Variants in SEC24D observed in about 807,000 individuals in gnomAD.
SEC24D encodes the protein SEC24 homolog D, COPII component.
A neutral mutation model predicts 116.9 loss-of-function variants in SEC24D; 69 were observed. The observed-to-expected ratio is 0.59, with a 90% CI of 0.49 to 0.72. SEC24D has a LOEUF of 0.72. SEC24D is among the 30% of genes least tolerant of loss of function. SEC24D has a pLI of 0.00. For synonymous variants in SEC24D, 405 were observed against 442.8 expected, an observed-to-expected ratio of 0.91 and a Z score of 1.07; for missense variants, 1,131 against 1,264.1, an observed-to-expected ratio of 0.89 and a Z score of 1.60.
intron 19 of SEC24D, among the ~76,000 whole-genome samples, chr4:118,733,622 A>C (rs762490019): frequency 3.9e-5 from 6 of 152,196 alleles, no homozygotes; most frequent in Non-Finnish European, 7.3e-5. Flanking sequence ...ATATAAATAC[A>C]TAAAACATAA....
chr4:118,757,084 G>C (rs141006307), intron 11 of SEC24D, among the ~76,000 whole-genome samples: 261 of 152,222 alleles, frequency 1.7e-3, no homozygotes, highest in Middle Eastern at 6.8e-3. Flanking sequence ...TATTAAAGCA[G>C]GTAATATGCC....
intron 8 of SEC24D, among the ~76,000 whole-genome samples, chr4:118,782,962 C>G (rs1042834369): frequency 6.6e-6 from 1 of 152,120 alleles, no homozygotes; most frequent in Non-Finnish European, 1.5e-5. Flanking sequence ...ATTGGAAAAG[C>G]GCAGTATTTT....
At chr4:118,820,181 T>A (rs930278064) in intron 3 of SEC24D, among the ~76,000 whole-genome samples, 11 of 149,816 alleles carry the variant, frequency 7.3e-5, no homozygotes, top group Non-Finnish European at 5.9e-5. Flanking sequence ...AGTTTAATTT[T>A]TTTTTTTTTT....
At chr4:118,749,029 T>C (rs981128872) in intron 13 of SEC24D, among the ~76,000 whole-genome samples, 2 of 152,150 alleles carry the variant, frequency 1.3e-5, no homozygotes, top group African/African-American at 4.8e-5. Flanking sequence ...TCTTCTTTTT[T>C]TTTTTGCCAA....
At chr4:118,745,101 G>A (rs376479698) in intron 13 of SEC24D, 41 bp from the exon 14 acceptor site, 48 of 1,072,518 alleles carry the variant, frequency 4.5e-5, no homozygotes, top group Non-Finnish European at 5.5e-5. Context: ...AGAAAATGCC[G>A]TGAGTAGGAA....
At chr4:118,753,795 AT>A (rs1275530685) in intron 11 of SEC24D, among the ~76,000 whole-genome samples, 4 of 152,310 alleles carry the variant, frequency 2.6e-5, no homozygotes, top group Non-Finnish European at 5.9e-5. Context: ...AGAATATTAC[AT>A]AGTGCTCAAT....
At chr4:118,795,269 C>G (rs999384363) in intron 8 of SEC24D, among the ~76,000 whole-genome samples, 9 of 150,696 alleles carry the variant, frequency 6.0e-5, no homozygotes, top group African/African-American at 1.7e-4. Context: ...AAGATTATCA[C>G]ATAATCTTGG....
intron 7 of SEC24D, among the ~76,000 whole-genome samples, chr4:118,799,723 A>G (rs762993627): frequency 2.6e-5 from 4 of 152,298 alleles, no homozygotes; most frequent in African/African-American, 4.8e-5. Flanking sequence ...AGGCACGATC[A>G]TCTGTGCCAG....
chr4:118,751,588 C>T (rs1160415433), intron 13 of SEC24D, among the ~76,000 whole-genome samples: 3 of 152,180 alleles, frequency 2.0e-5, no homozygotes, highest in Admixed American at 6.5e-5. Flanking sequence ...CTACTTCTGG[C>T]AATCAGCATT....
chr4:118,763,013 C>T (rs1458576218), intron 10 of SEC24D, among the ~76,000 whole-genome samples: 3 of 152,128 alleles, frequency 2.0e-5, no homozygotes, highest in Non-Finnish European at 2.9e-5. Flanking sequence ...TTGCAAAGAT[C>T]GGCAAATAAA....
chr4:118,776,664 A>G (rs543437942), intron 8 of SEC24D, among the ~76,000 whole-genome samples: 1 of 152,278 alleles, frequency 6.6e-6, no homozygotes, highest in Admixed American at 6.5e-5. Flanking sequence ...TTTGAGTAAG[A>G]TATTATCTCT....
Position 118,797,803 on chromosome 4 carries a change from G to A in SEC24D, c.921C>T (p.Ala307=), listed in dbSNP as rs1578447183. 4.4e-6 allele frequency: 7 copies of A among 1,595,260 alleles called. No homozygotes were observed. Among genetic ancestry groups the A allele is most frequent in the East Asian group, 4.5e-5 (2 of 44,674 alleles). The part of the protein sequence containing the change: ...TDCMIQDQGN[A]SPRFIRCTTY... ...TTGTACAACGGATGAATCGAGGACTGGCATTTCCTGAAACATTCAAAAGGA... is the reference window on the plus strand; with the variant it reads ...TTGTACAACGGATGAATCGAGGACTAGCATTTCCTGAAACATTCAAAAGGA... The change falls in exon 8 of 23, where the codon GCC becomes GCT. Residue 307 remains alanine, a synonymous_variant. Transcript: ENST00000280551.
intron 3 of SEC24D, among the ~76,000 whole-genome samples, chr4:118,818,686 A>C (rs1730255829): frequency 1.3e-5 from 2 of 152,190 alleles, no homozygotes; most frequent in South Asian, 4.1e-4. Context: ...TTTTATCGGT[A>C]GCCGGAATTG....
intron 8 of SEC24D, among the ~76,000 whole-genome samples, chr4:118,777,092 A>ATTATTTATTTATTTATTTAT (rs70944813): frequency 7.4e-5 from 11 of 148,638 alleles, no homozygotes; most frequent in Admixed American, 2.0e-4. Context: ...GAAGGTCTGA[A>ATTATTTATTTATTTATTTAT]TTATTTATTT....
intron 8 of SEC24D, among the ~76,000 whole-genome samples, chr4:118,793,274 C>T (rs1258956658): frequency 1.3e-5 from 2 of 151,236 alleles, no homozygotes; most frequent in East Asian, 1.9e-4. Flanking sequence ...GAGACCATCC[C>T]GGCTAAAACG....
chr4:118,789,493 C>A (rs1401415154), intron 8 of SEC24D, among the ~76,000 whole-genome samples: 2 of 152,148 alleles, frequency 1.3e-5, no homozygotes, highest in African/African-American at 4.8e-5. Context: ...TCCTTTTTCC[C>A]CCACAATGGT....
intron 15 of SEC24D, 46 bp from the exon 16 acceptor site, chr4:118,741,083 T>C: frequency 5.4e-6 from 5 of 930,148 alleles, no homozygotes; most frequent in East Asian, 2.6e-5. Flanking sequence ...GGCAGTAAAA[T>C]ACTTAAAATA....
chr4:118,724,290 G>C (rs945889090), intron 22 of SEC24D, among the ~76,000 whole-genome samples: 1 of 152,114 alleles, frequency 6.6e-6, no homozygotes, highest in African/African-American at 2.4e-5. Flanking sequence ...AGGGAAAACA[G>C]GGAGAACTCC....
rs757034027 is a variant in SEC24D at position 118,815,694 on chromosome 4, G to A, written c.430C>T (p.Pro144Ser). Reference protein sequence around the residue: ...SGMAPPSQGPPGPLSATSLQT... With the variant: ...SGMAPPSQGPSGPLSATSLQT... The stretch of plus-strand genomic sequence containing the variant: ...AATGATGTGGCTGACAGAGGGCCAG[G>A]GGGTCCCTGGCTTGGAGGAGCCATG... Residue 144 changes from proline (P) to serine (S), a missense_variant, in exon 5 of 23, where the codon CCT (proline) becomes TCT (serine). Transcript: ENST00000280551. 1 of 1,614,084 alleles carries A rather than the reference G, an allele frequency of 6.2e-7. No homozygotes were observed. Among genetic ancestry groups the A allele is most frequent in the South Asian group, 1.1e-5 (1 of 91,076 alleles).
Sources: gnomAD v4.1 joint callset for allele counts (sites outside exome capture counted in the v4.1 genomes callset) on GRCh38, gnomAD v4.1.1 for gene constraint, MANE v1.5 for transcripts, NCBI Gene and HGNC (gene_info 2026-07-23, HGNC 2026-07-21) for gene names.